MACF1: variants seen among roughly 807,000 people sequenced by gnomAD.
The protein encoded by MACF1 is microtubule-actin cross-linking factor 1.
MACF1 carries 193 observed loss-of-function variants against 854.8 expected under a neutral mutation model. The ratio of observed to expected loss-of-function variants is 0.23; its 90% CI spans 0.20 to 0.25. The LOEUF (loss-of-function observed/expected upper bound fraction) is 0.25. Among genes scored for constraint, MACF1 ranks in the 10% least tolerant of loss-of-function variants. MACF1 has a pLI of 1.00. For synonymous variants in MACF1, 3,185 were observed against 3,226.7 expected (o/e 0.99, Z 0.44); for missense variants, 7,722 against 8,929.1 (o/e 0.86, Z 5.45).
intron 23 of MACF1, among the ~76,000 whole-genome samples, chr1:39,303,454 G>A (rs1444378032): frequency 1.3e-5 from 2 of 152,084 alleles, no homozygotes; most frequent in Non-Finnish European, 2.9e-5. Flanking sequence ...GGGAGGCTTA[G>A]GCATGAGAAT....
In MACF1 at chr1:39,295,814, T is replaced by C. The variant is rs1425266153; in HGVS notation, c.2287T>C (p.Leu763=). The change falls in exon 20 of 101, where the codon TTG becomes CTG. Residue 763 remains leucine (L), a synonymous_variant. Transcript: ENST00000564288. Reference sequence around the variant, plus strand: ...TTACAGTGCTGCTGTCCAGTCCCAGTTGCAGTGGATGAAGCAGCTGTGCCT... The same window carrying C: ...TTACAGTGCTGCTGTCCAGTCCCAGCTGCAGTGGATGAAGCAGCTGTGCCT... The part of the protein sequence containing the change: ...EAYSAAVQSQ[L]QWMKQLCLCV... 6.2e-7 allele frequency: 1 copy of C among 1,614,030 alleles called. No homozygotes were observed. Among genetic ancestry groups the C allele is most frequent in the Non-Finnish European group, 8.5e-7 (1 of 1,180,000 alleles).
chr1:39,098,937 G>C (rs556462620), intron 2 of MACF1, among the ~76,000 whole-genome samples: 1 of 152,222 alleles, frequency 6.6e-6, no homozygotes, highest in African/African-American at 2.4e-5. Context: ...AGGGAGCTTT[G>C]GCTGGTGCCC....
intron 99 of MACF1, among the ~76,000 whole-genome samples, chr1:39,482,972 G>T (rs1323846850): frequency 1.3e-5 from 2 of 150,812 alleles, no homozygotes; most frequent in Admixed American, 1.3e-4. Context: ...AAATAAGCCA[G>T]CCACTAGGGA....
intron 16 of MACF1, among the ~76,000 whole-genome samples, chr1:39,292,432 T>G (rs1032604143): frequency 1.3e-5 from 2 of 152,178 alleles, no homozygotes; most frequent in South Asian, 4.1e-4. Context: ...CTTCAGTCAC[T>G]GTTCTATCTT....
Position 39,387,594 on chromosome 1 carries a change from T to C in MACF1, c.14752T>C (p.Trp4918Arg), listed in dbSNP as rs1298194451. Residue 4918 changes from tryptophan (W) to arginine (R), a missense_variant, in exon 58 of 101, where the codon TGG becomes CGG. By Grantham distance (101) the Trp-to-Arg change is moderately radical. Coordinates refer to ENST00000564288, the MANE Select transcript of MACF1 (RefSeq NM_001394062.1). Reference protein sequence around the residue: ...YQWHVEDLVPWIEDCKAKMSE... With the variant: ...YQWHVEDLVPRIEDCKAKMSE... ...GTGGCATGTGGAAGACCTTGTGCCA[T>C]GGATAGAAGATTGTAAAGCTAAGAT... 10 of 1,614,116 alleles carry C rather than the reference T, an allele frequency of 6.2e-6. No homozygotes were observed. The highest frequency in any genetic ancestry group is 1.1e-5 in the South Asian group (1 of 91,084).
intron 46 of MACF1, 108 bp downstream of exon 46, chr1:39,358,981 ATGCCTTGGACAAGATC>A: frequency 7.0e-7 from 1 of 1,430,582 alleles, no homozygotes; most frequent in Non-Finnish European, 9.5e-7. Flanking sequence ...AGTGGTTGGG[ATGCCTTGGACAAGATC>A]TGAGTGCTAA....
At chr1:39,402,177 A>G (rs1642503175) in intron 58 of MACF1, among the ~76,000 whole-genome samples, 1 of 152,130 alleles carries the variant, frequency 6.6e-6, no homozygotes, top group South Asian at 2.1e-4. Flanking sequence ...GCACCATTGC[A>G]CTCCACCTGG....
intron 6 of MACF1, among the ~76,000 whole-genome samples, chr1:39,277,899 G>T (rs994348564): frequency 1.8e-4 from 28 of 152,162 alleles, no homozygotes; most frequent in Non-Finnish European, 3.7e-4. Flanking sequence ...AGTAAGTGGT[G>T]TGTCTTTTCT....
Position 39,480,218 on chromosome 1 carries a change from A to G in MACF1, c.22170+209A>G, listed in dbSNP as rs904001772. ...GATATATGGCCTTTAAGATGACTCC[A>G]AAGGACATTTATTAAAATATGCACT... On this transcript the variant is annotated intron_variant, in intron 98 of 100. Coordinates refer to ENST00000564288, the MANE Select transcript of MACF1 (RefSeq NM_001394062.1). The G allele has an allele frequency of 4.9e-5, 21 of 432,262 alleles. 1 individual carries two copies. The highest frequency in any genetic ancestry group is 3.5e-4 in the African/African-American group (18 of 51,872). 26.8% of individuals were successfully genotyped at this position (432,262 alleles called of 1,614,324 possible).
At chr1:39,204,230 T>C (rs1644424894), upstream of MACF1, 1 of 152,226 alleles carries the variant, frequency 6.6e-6, no homozygotes, top group Non-Finnish European at 1.5e-5. Flanking sequence ...ACTGATATCG[T>C]GCCTTCCAAA....
intron 6 of MACF1, 42 bp downstream of exon 6, chr1:39,258,070 A>G (rs768325237): frequency 5.6e-5 from 85 of 1,527,668 alleles, no homozygotes; most frequent in Non-Finnish European, 7.4e-5. Context: ...CTTTGTTTGG[A>G]CATGGCCTAG....
At chr1:39,280,105 C>T (rs567729025) in intron 6 of MACF1, among the ~76,000 whole-genome samples, 7 of 151,952 alleles carry the variant, frequency 4.6e-5, no homozygotes, top group Non-Finnish European at 8.8e-5. Flanking sequence ...GTCACCTAGG[C>T]GGGAGTGGTC....
chr1:39,421,781 A>C (rs1570009903), intron 58 of MACF1, among the ~76,000 whole-genome samples: 2 of 152,320 alleles, frequency 1.3e-5, no homozygotes, highest in East Asian at 3.9e-4. Context: ...TTGCATTAAA[A>C]ATTAAGCAAC....
rs534282523 is a variant in MACF1 at position 39,438,192 on chromosome 1, G to A, written c.18220+184G>A. ...GAACACATTTCGCCATTGAAACAAG[G>A]TTACAATTGGTAGTTAGATTCCCAG... is the stretch of plus-strand genomic sequence containing the variant. On this transcript the variant is annotated intron_variant, in intron 71 of 100. Transcript: ENST00000564288. Among the ~76,000 whole-genome samples the A allele has an allele frequency of 2.8e-4, 42 of 152,288 alleles. No homozygotes were observed. In the South Asian group the frequency reaches 8.5e-3, roughly 31 times the overall value.
intron 1 of MACF1, among the ~76,000 whole-genome samples, chr1:39,210,479 C>T (rs1644501980): frequency 6.6e-6 from 1 of 151,576 alleles, no homozygotes; most frequent in African/African-American, 2.4e-5. Context: ...GGACTATAGG[C>T]ACCCTCTACC....
rs564526095 is a variant in MACF1 at position 39,466,575 on chromosome 1, A to T, written c.21771+1463A>T. ...CATACTCCCTGCCTCTCACCCATCC[A>T]GAGAAAACCCTTTGCAGTGACTCAG... On this transcript the variant is annotated intron_variant, in intron 95 of 100. Transcript: ENST00000564288. Among the ~76,000 whole-genome samples, 12 of 152,262 alleles carry T rather than the reference A, an allele frequency of 7.9e-5. 1 individual carries two copies. In the East Asian group the frequency reaches 2.3e-3, roughly 29 times the overall value.
At chr1:39,197,792 A>G (rs1386226326) in intron 2 of MACF1, among the ~76,000 whole-genome samples, 2 of 152,202 alleles carry the variant, frequency 1.3e-5, no homozygotes, top group African/African-American at 2.4e-5. Flanking sequence ...AGGCTAAACC[A>G]GGAGGATTGC....
intron 58 of MACF1, among the ~76,000 whole-genome samples, chr1:39,405,633 G>T (rs1226784462): frequency 1.3e-5 from 2 of 152,206 alleles, no homozygotes; most frequent in African/African-American, 4.8e-5. Flanking sequence ...AGCTGGAAGG[G>T]CCAGGATTTT....
intron 2 of MACF1, among the ~76,000 whole-genome samples, chr1:39,119,317 CAAAAAAA>C (rs745686071): frequency 2.4e-5 from 2 of 84,762 alleles, no homozygotes; most frequent in Non-Finnish European, 2.3e-5. Flanking sequence ...AACTCCGTCT[CAAAAAAA>C]AAAAAAAAAA....
Sources: gnomAD v4.1 joint callset for allele counts (sites outside exome capture counted in the v4.1 genomes callset) on GRCh38, gnomAD v4.1.1 for gene constraint, MANE v1.5 for transcripts, NCBI Gene and HGNC (gene_info 2026-07-23, HGNC 2026-07-21) for gene names.